Variants in DNAJC13 observed in about 807,000 individuals in gnomAD.
DNAJC13 encodes DnaJ heat shock protein family (Hsp40) member C13.
A neutral mutation model predicts 290.5 loss-of-function variants in DNAJC13; 75 were observed. The observed-to-expected ratio is 0.26, with a 90% CI of 0.21 to 0.31. The LOEUF is 0.31. DNAJC13 is among the 10% of genes least tolerant of loss of function. The pLI, the probability that DNAJC13 is intolerant of heterozygous loss-of-function variation, is 1.00. For missense variants in DNAJC13, 2,260 were observed against 2,674.5 expected (o/e 0.85, Z 3.42); for synonymous variants, 862 against 892.0 (o/e 0.97, Z 0.60).
chr3:132,526,086 C>G (rs771692469), intron 52 of DNAJC13, 55 bp from the exon 53 acceptor site: 128 of 1,591,204 alleles, frequency 8.0e-5, no homozygotes, highest in Non-Finnish European at 1.0e-4. Context: ...ATGGTATTTA[C>G]TATGTTATAT....
chr3:132,463,170 A>G (rs1300430413), intron 16 of DNAJC13, among the ~76,000 whole-genome samples: 1 of 152,244 alleles, frequency 6.6e-6, no homozygotes, highest in African/African-American at 2.4e-5. Context: ...CAAAAAATTC[A>G]TTTATTGTGC....
At position 132,499,824 on chromosome 3, in the gene DNAJC13, G is replaced by A; in HGVS notation, c.4416+16G>A. The A allele has an allele frequency of 1.2e-6, 2 of 1,609,604 alleles. No individual in the cohort carries two copies. The highest frequency in any genetic ancestry group is 1.7e-6 in the Non-Finnish European group (2 of 1,177,706). Reference sequence around the variant, plus strand: ...GTCAGTACAGGTGAGGCTAAAACCTGTGGTTCCAAGAAAATTGCACTAGTT... The same window carrying A: ...GTCAGTACAGGTGAGGCTAAAACCTATGGTTCCAAGAAAATTGCACTAGTT... On this transcript the variant is annotated intron_variant, in intron 38 of 55. Transcript: ENST00000260818.
chr3:132,429,548 A>G (rs924677644), intron 1 of DNAJC13, among the ~76,000 whole-genome samples: 5 of 152,214 alleles, frequency 3.3e-5, no homozygotes, highest in African/African-American at 1.2e-4. Context: ...ACATGTGATG[A>G]GTATTCAATA....
chr3:132,524,867 G>A (rs903127865), intron 51 of DNAJC13, among the ~76,000 whole-genome samples: 7 of 152,078 alleles, frequency 4.6e-5, no homozygotes, highest in African/African-American at 7.2e-5. Flanking sequence ...TTTCCAATCC[G>A]TTATCCACAA....
intron 1 of DNAJC13, among the ~76,000 whole-genome samples, chr3:132,427,680 T>C (rs1275500627): frequency 1.3e-5 from 2 of 152,156 alleles, no homozygotes; most frequent in Non-Finnish European, 2.9e-5. Context: ...TTGAAATTAA[T>C]AAAAGATTTA....
chr3:132,451,059 T>G (rs915965157), intron 6 of DNAJC13, among the ~76,000 whole-genome samples: 1 of 152,330 alleles, frequency 6.6e-6, no homozygotes, highest in Middle Eastern at 3.4e-3. Context: ...AGATAATTTA[T>G]GTAAAATGCT....
chr3:132,434,448 A>C, intron 1 of DNAJC13, 90 bp from the exon 2 acceptor site: 1 of 858,260 alleles, frequency 1.2e-6, no homozygotes, highest in Non-Finnish European at 1.8e-6. Flanking sequence ...TGAAAGTGAG[A>C]GAGCGATCTT....
chr3:132,487,195 A>T (rs893873306), intron 29 of DNAJC13, among the ~76,000 whole-genome samples: 1 of 152,198 alleles, frequency 6.6e-6, no homozygotes, highest in African/African-American at 2.4e-5. Flanking sequence ...ACATATGAGT[A>T]TAGAACTTTG....
intron 26 of DNAJC13, 43 bp from the exon 27 acceptor site, chr3:132,482,183 G>C: frequency 6.4e-7 from 1 of 1,551,164 alleles, no homozygotes. Flanking sequence ...TGGTCTTTTA[G>C]ATTTCTGCCT....
At chr3:132,452,121 G>A (rs916963363) in intron 6 of DNAJC13, among the ~76,000 whole-genome samples, 1 of 152,168 alleles carries the variant, frequency 6.6e-6, no homozygotes, top group African/African-American at 2.4e-5. Context: ...GGCCTGTCAG[G>A]CCTTAATAGG....
chr3:132,507,505 G>A lies in DNAJC13; in HGVS notation c.5115+152G>A. The A allele has an allele frequency of 6.8e-6, 4 of 591,326 alleles. No individual in the cohort carries two copies. The South Asian group carries it at 8.9e-5, about 13-fold the overall frequency. The allele number at this position is 591,326 out of a possible 1,614,324, so 36.6% of individuals were successfully genotyped here. A position where few individuals can be genotyped will look rare whatever the true frequency, so the allele number is the denominator to read the frequency against. ...TTTTTTAACAAATCAAAGGTTTTTG[G>A]CAACCCTGTGCCAAGCAAGCCTATT... is the stretch of plus-strand genomic sequence containing the variant. On this transcript the variant is annotated intron_variant, in intron 43 of 55. Coordinates refer to ENST00000260818, the MANE Select transcript of DNAJC13 (RefSeq NM_015268.4).
At chr3:132,431,520 T>G (rs765536170) in intron 1 of DNAJC13, among the ~76,000 whole-genome samples, 1 of 152,146 alleles carries the variant, frequency 6.6e-6, no homozygotes, top group Non-Finnish European at 1.5e-5. Flanking sequence ...GGGGTGAGCG[T>G]TCTATGTATA....
At chr3:132,472,438 T>C (rs1271678493) in intron 20 of DNAJC13, 1 of 492,054 alleles carries the variant, frequency 2.0e-6, no homozygotes, top group Non-Finnish European at 2.6e-6. Flanking sequence ...GGTGCACCTA[T>C]TTTAGTCTTA....
At chr3:132,516,553 G>A (rs1190110467) in intron 47 of DNAJC13, 57 bp downstream of exon 47, 2 of 1,578,122 alleles carry the variant, frequency 1.3e-6, no homozygotes, top group Admixed American at 3.4e-5. Context: ...AGCTTATTTT[G>A]AGCTGCATTT....
At chr3:132,534,196 A>G (rs1936516488) in intron 55 of DNAJC13, among the ~76,000 whole-genome samples, 2 of 152,204 alleles carry the variant, frequency 1.3e-5, no homozygotes, top group African/African-American at 4.8e-5. Context: ...CCAGAAGGCC[A>G]TTACTGAAGC....
chr3:132,456,763 GT>G lies in DNAJC13; in HGVS notation c.1281del (p.Gln428SerfsTer5). 6.2e-7 allele frequency: 1 copy of G among 1,614,090 alleles called. No homozygotes were observed. The highest frequency in any genetic ancestry group is 8.5e-7 in the Non-Finnish European group (1 of 1,179,956). ...DVVASNAELE[S>X]QFQAVRRLVA... ...GTTGCTTCAAATGCGGAACTTGAGAGTCAGTTCCAGGCTGTGAGGAGGCTTG... is the reference window on the plus strand; with the variant it reads ...GTTGCTTCAAATGCGGAACTTGAGAGCAGTTCCAGGCTGTGAGGAGGCTTG... On this transcript the variant is annotated frameshift_variant, in exon 12 of 56. Coordinates refer to ENST00000260818, the MANE Select transcript of DNAJC13 (RefSeq NM_015268.4). LOFTEE classifies it high-confidence loss of function.
In DNAJC13 at chr3:132,460,338, A is replaced by T; in HGVS notation, c.1538A>T (p.Glu513Val). The change falls in exon 14 of 56, where the codon GAG (glutamate) becomes GTG (valine). Residue 513 changes from glutamate (E) to valine (V), a missense_variant. By Grantham distance (121) the Glu-to-Val change is moderately radical (BLOSUM62 -2). Transcript: ENST00000260818. Reference protein sequence around the residue: ...SSKKFLENLLEKFNSHVDHGT... With the variant: ...SSKKFLENLLVKFNSHVDHGT... Reference sequence around the variant, plus strand: ...AAGAAGTTTCTGGAAAACTTACTGGAGAAATTTAATTCCCATGTGGTAAGT... The same window carrying T: ...AAGAAGTTTCTGGAAAACTTACTGGTGAAATTTAATTCCCATGTGGTAAGT... 6.2e-7 allele frequency: 1 copy of T among 1,608,650 alleles called. No individual in the cohort carries two copies. The highest frequency in any genetic ancestry group is 8.5e-7 in the Non-Finnish European group (1 of 1,175,464).
intron 1 of DNAJC13, among the ~76,000 whole-genome samples, chr3:132,432,511 A>T (rs1274879391): frequency 6.6e-6 from 1 of 152,192 alleles, no homozygotes; most frequent in Admixed American, 6.5e-5. Flanking sequence ...GGCCTCTACA[A>T]TATTTTTTAG....
Position 132,492,573 on chromosome 3 carries a change from G to A in DNAJC13, c.3783G>A (p.Leu1261=). The A allele has an allele frequency of 6.2e-7, 1 of 1,613,660 alleles. No homozygotes were observed. Among genetic ancestry groups the A allele is most frequent in the South Asian group, 1.1e-5 (1 of 91,058 alleles). The change falls in exon 33 of 56, where the codon CTG becomes CTA. Residue 1261 remains leucine (L), a synonymous_variant. Transcript: ENST00000260818. ...LFCNIYYLKQ[L]CDTLRFPDWP... Reference sequence around the variant, plus strand: ...GTAATATTTATTACCTCAAACAACTGTGTGATACACTCCGGTTTCCAGATT... The same window carrying A: ...GTAATATTTATTACCTCAAACAACTATGTGATACACTCCGGTTTCCAGATT...
Sources: gnomAD v4.1 joint callset for allele counts (sites outside exome capture counted in the v4.1 genomes callset) on GRCh38, gnomAD v4.1.1 for gene constraint, MANE v1.5 for transcripts, NCBI Gene and HGNC (gene_info 2026-07-23, HGNC 2026-07-21) for gene names.